AP3B2: variants seen among roughly 807,000 people sequenced by gnomAD.
AP3B2 encodes AP-3 complex subunit beta-2.
Under a neutral mutation model 126.9 loss-of-function variants are expected in AP3B2, and 50 were observed. The observed-to-expected ratio is 0.39, with a 90% CI of 0.31 to 0.50. AP3B2 has a LOEUF of 0.50. AP3B2 is among the 20% of genes least tolerant of loss of function. The pLI, the probability that AP3B2 is intolerant of heterozygous loss-of-function variation, is 0.79. For synonymous variants in AP3B2, 541 were observed against 565.0 expected (o/e 0.96, Z 0.60); for missense variants, 1,177 against 1,426.4 (o/e 0.83, Z 2.82).
intron 1 of AP3B2, among the ~76,000 whole-genome samples, chr15:82,690,680 G>C (rs1397087749): frequency 9.5e-6 from 1 of 105,250 alleles, no homozygotes; most frequent in Non-Finnish European, 1.8e-5. Context: ...GTGAGATGGA[G>C]TCTCGCTCTG....
chr15:82,687,430 T>G (rs1389411639), intron 4 of AP3B2: 1 of 152,216 alleles, frequency 6.6e-6, no homozygotes, highest in Non-Finnish European at 1.5e-5. Context: ...GGGGACAGGG[T>G]CAGTTGGTAG....
chr15:82,677,256 A>G lies in AP3B2; in HGVS notation c.1488+18T>C, dbSNP rs749285764. The G allele has an allele frequency of 3.1e-6, 5 of 1,591,456 alleles. No homozygotes were observed. The East Asian group carries it at 9.0e-5, about 29-fold the overall frequency. ...GAGGACCTTGAAGTGGGGAGTGAAAATATGGCTTCTCCCTCACCTGGATGT... is the reference window on the plus strand; with the variant it reads ...GAGGACCTTGAAGTGGGGAGTGAAAGTATGGCTTCTCCCTCACCTGGATGT... On this transcript the variant is annotated intron_variant, in intron 13 of 26. Coordinates refer to ENST00000535359, the MANE Select transcript of AP3B2 (RefSeq NM_001278512.2).
Position 82,663,909 on chromosome 15 carries a change from C to T in AP3B2, c.2328G>A (p.Ala776=), listed in dbSNP as rs751290984. 104 of 1,612,758 alleles carry T rather than the reference C, an allele frequency of 6.4e-5. No homozygotes were observed. The highest frequency in any genetic ancestry group is 8.9e-5 in the East Asian group (4 of 44,892). ...AATCGCTGCCCTCATCAGAGGATGA[C>T]GCTTCTCCTTTTCTCTCTGGCACCT... ...KKKVPERKGE[A]SSSDEGSDSS... Residue 776 remains alanine (A), a synonymous_variant, in exon 20 of 27, where the codon GCG becomes GCA. Coordinates refer to ENST00000535359, the MANE Select transcript of AP3B2 (RefSeq NM_001278512.2).
intron 1 of AP3B2, among the ~76,000 whole-genome samples, chr15:82,705,321 TC>T (rs1254230215): frequency 6.6e-6 from 1 of 152,112 alleles, no homozygotes; most frequent in African/African-American, 2.4e-5. Context: ...CTATAAACTC[TC>T]CTTACAATTC....
At position 82,680,527 on chromosome 15, in the gene AP3B2, T is replaced by C. The variant is rs1287408120; in HGVS notation, c.1000A>G (p.Lys334Glu). The C allele has an allele frequency of 1.9e-6, 3 of 1,545,144 alleles. No individual in the cohort carries two copies. Among genetic ancestry groups the C allele is most frequent in the Non-Finnish European group, 2.6e-6 (3 of 1,151,618 alleles). ...TTGGCGATGACGCCCACTTCCGCCT[T>C]GGGCGCCAGGTGGAAGTAGAGCTGC... ...VAQLYFHLAP[K>E]AEVGVIAKAL... The change falls in exon 8 of 27, where the codon AAG becomes GAG. Residue 334 changes from lysine (K) to glutamate (E), a missense_variant. This residue lies in a region of AP3B2 where 308 missense variants were observed against 452.4 expected (regional missense o/e 0.68). Coordinates refer to ENST00000535359, the MANE Select transcript of AP3B2 (RefSeq NM_001278512.2). This position sits in a 1 kb window ranked among gnomAD's most constrained non-coding sequence, Gnocchi z 6.1.
chr15:82,708,082 C>T (rs1466363078), intron 1 of AP3B2, among the ~76,000 whole-genome samples: 1 of 152,218 alleles, frequency 6.6e-6, no homozygotes, highest in Admixed American at 6.5e-5. Context: ...TGCACGTATA[C>T]ATCCAGATGG....
rs1471978269 is a variant in AP3B2 at position 82,705,868 on chromosome 15, A to G, written c.113+3726T>C. Reference sequence around the variant, plus strand: ...AACCATTATATAAACTCACAAAAGCAAACCTAGCTGACCCCACAGATCCTA... The same window carrying G: ...AACCATTATATAAACTCACAAAAGCGAACCTAGCTGACCCCACAGATCCTA... On this transcript the variant is annotated intron_variant, in intron 1 of 26. Transcript: ENST00000535359. 2.0e-5 allele frequency among the ~76,000 whole-genome samples: 3 copies of G among 152,204 alleles called. No individual in the cohort carries two copies. In the East Asian group the frequency reaches 5.8e-4, roughly 29 times the overall value.
At chr15:82,689,495 G>A in intron 1 of AP3B2, 42 bp from the exon 2 acceptor site, 2 of 1,588,870 alleles carry the variant, frequency 1.3e-6, no homozygotes, top group Non-Finnish European at 8.6e-7. Flanking sequence ...CACAAGGGTG[G>A]GGATGGGGTA....
Position 82,661,806 on chromosome 15 carries a change from A to G in AP3B2, c.3016+19T>C, listed in dbSNP as rs1364820088. On this transcript the variant is annotated intron_variant, in intron 25 of 26. Coordinates refer to ENST00000535359, the MANE Select transcript of AP3B2 (RefSeq NM_001278512.2). ...AGCTTCTATACTTCCCTCTCTGCCC[A>G]CTCCCAGGGAGCACTCACCCTGTTC... The G allele has an allele frequency of 6.3e-7, 1 of 1,597,424 alleles. No homozygotes were observed. Among genetic ancestry groups the G allele is most frequent in the South Asian group, 1.1e-5 (1 of 89,048 alleles).
intron 21 of AP3B2, 66 bp downstream of exon 21, chr15:82,663,494 A>G (rs752980913): frequency 1.0e-5 from 16 of 1,539,526 alleles, no homozygotes; most frequent in South Asian, 3.4e-5. Flanking sequence ...CAGAGTCCCT[A>G]TGGGCTGTTC....
rs773545059 is a variant in AP3B2 at position 82,678,110 on chromosome 15, A to G, written c.1240T>C (p.Phe414Leu). Residue 414 changes from phenylalanine to leucine, a missense_variant, in exon 11 of 27, where the codon TTC becomes CTC. This residue lies in a region of AP3B2 where 308 missense variants were observed against 452.4 expected (regional missense o/e 0.68). Transcript: ENST00000535359. ...ETNIPTVLRE[F>L]QTYIRSMDKD... is the part of the protein sequence containing the mutation. The stretch of plus-strand genomic sequence containing the variant: ...GGCTGGGAGCTGGCCTGTACCTGGA[A>G]TTCCCGTAGGACAGTAGGAATGTTG... The G allele has an allele frequency of 1.2e-6, 2 of 1,613,878 alleles. No homozygotes were observed. Among genetic ancestry groups the G allele is most frequent in the South Asian group, 2.2e-5 (2 of 91,028 alleles).
chr15:82,664,595 CT>C lies in AP3B2; in HGVS notation c.2138-106del. Reference sequence around the variant, plus strand: ...CACATTCAGTACTGAACCCTCAAACCTCTCTGACCTGCCCCCAGCCCTACAT... The same window carrying C: ...CACATTCAGTACTGAACCCTCAAACCCTCTGACCTGCCCCCAGCCCTACAT... On this transcript the variant is annotated intron_variant, in intron 18 of 26. Transcript: ENST00000535359. The surrounding 1 kb of genome is among the most constrained non-coding windows in gnomAD (Gnocchi z 4.5). 1 of 1,359,686 alleles carries C rather than the reference CT, an allele frequency of 7.4e-7. No homozygotes were observed. Among genetic ancestry groups the C allele is most frequent in the Non-Finnish European group, 1.0e-6 (1 of 991,198 alleles). 84.2% of individuals were successfully genotyped at this position (1,359,686 alleles called of 1,614,324 possible).
chr15:82,677,729 G>A lies in AP3B2; in HGVS notation c.1320C>T (p.Ile440=), dbSNP rs746195919. 5.0e-6 allele frequency: 8 copies of A among 1,609,488 alleles called. No individual in the cohort carries two copies. The highest frequency in any genetic ancestry group is 3.4e-5 in the Admixed American group (2 of 59,402). Residue 440 remains isoleucine, a synonymous_variant, in exon 12 of 27, where the codon ATC becomes ATT. Coordinates refer to ENST00000535359, the MANE Select transcript of AP3B2 (RefSeq NM_001278512.2). ...IQAIGRCATN[I]GRVRDTCLNG... ...TGAGGCAGGTGTCACGGACTCGGCC[G>A]ATGTTAGTTGCACAGCGTCCAATGG...
At chr15:82,671,263 T>G (rs554814780) in intron 14 of AP3B2, among the ~76,000 whole-genome samples, 1 of 151,306 alleles carries the variant, frequency 6.6e-6, no homozygotes, top group African/African-American at 2.4e-5. Context: ...CCAGCCTGGG[T>G]GACAGAGCAA....
rs551405485 is a variant in AP3B2 at position 82,665,215 on chromosome 15, G to A, written c.2028+32C>T. 7 of 1,532,920 alleles carry A rather than the reference G, an allele frequency of 4.6e-6. No individual in the cohort carries two copies. The highest frequency in any genetic ancestry group is 1.7e-4 in the Middle Eastern group (1 of 5,990). 95.0% of individuals were successfully genotyped at this position (1,532,920 alleles called of 1,614,324 possible). A position where few individuals can be genotyped will look rare whatever the true frequency, so the allele number is the denominator to read the frequency against. The stretch of plus-strand genomic sequence containing the variant: ...AAGAAGAGGGACACAGACAGGGCAG[G>A]GGAGAGAGCACACGTCACACGAAGG... On this transcript the variant is annotated intron_variant, in intron 17 of 26. Transcript: ENST00000535359. The surrounding 1 kb of genome is among the most constrained non-coding windows in gnomAD (Gnocchi z 4.4).
chr15:82,681,299 C>A lies in AP3B2; in HGVS notation c.521+121G>T. 6.6e-7 allele frequency: 1 copy of A among 1,522,070 alleles called. No individual in the cohort carries two copies. The highest frequency in any genetic ancestry group is 8.9e-7 in the Non-Finnish European group (1 of 1,120,328). The allele number at this position is 1,522,070 out of a possible 1,614,324, so 94.3% of individuals were successfully genotyped here. A position where few individuals can be genotyped will look rare whatever the true frequency, so the allele number is the denominator to read the frequency against. The stretch of plus-strand genomic sequence containing the variant: ...TTGTTCTCCTCCATCTCTGTCAGTC[C>A]CCCAAACTACCCTCCTCAAACCCTC... On this transcript the variant is annotated intron_variant, in intron 5 of 26. Coordinates refer to ENST00000535359, the MANE Select transcript of AP3B2 (RefSeq NM_001278512.2). The surrounding 1 kb of genome is among the most constrained non-coding windows in gnomAD (Gnocchi z 4.0).
chr15:82,694,994 TC>T (rs1380674199), intron 1 of AP3B2, among the ~76,000 whole-genome samples: 2 of 152,274 alleles, frequency 1.3e-5, no homozygotes, highest in South Asian at 2.1e-4. Context: ...CTTTATAACT[TC>T]CTGAGTGAGA....
intron 1 of AP3B2, chr15:82,692,029 G>A (rs1037578478): frequency 1.0e-5 from 15 of 1,472,568 alleles, no homozygotes; most frequent in Middle Eastern, 1.7e-4. Context: ...AGCTGCCTGA[G>A]GAAGTCCTGA....
intron 1 of AP3B2, among the ~76,000 whole-genome samples, chr15:82,708,499 C>T (rs961652127): frequency 6.6e-6 from 1 of 152,120 alleles, no homozygotes; most frequent in African/African-American, 2.4e-5. Flanking sequence ...CTCAAATCTT[C>T]TGCCTCTCCC....
Sources: allele counts gnomAD v4.1 joint callset (sites outside exome capture counted in the v4.1 genomes callset), GRCh38; gene constraint gnomAD v4.1.1; regional missense constraint gnomAD v4.1.1; non-coding constraint Gnocchi (gnomAD v3.1); transcripts MANE v1.5; gene names NCBI Gene and HGNC (gene_info 2026-07-23, HGNC 2026-07-21).